TANC2: variants seen among roughly 807,000 people sequenced by gnomAD.
TANC2 encodes tetratricopeptide repeat, ankyrin repeat and coiled-coil containing 2.
Under a neutral mutation model 210.5 loss-of-function variants are expected in TANC2, and 26 were observed. That is an observed-to-expected ratio of 0.12 (90% CI 0.09 to 0.17). The LOEUF (loss-of-function observed/expected upper bound fraction) is 0.17. Ranked by LOEUF, TANC2 falls within the 10% of genes least tolerant of loss-of-function variation. The probability of loss-of-function intolerance (pLI) is 1.00; values close to 1 mark genes in which losing one functional copy is unlikely to be tolerated. For missense variants in TANC2, 2,129 were observed against 2,608.9 expected (o/e 0.82, Z 4.01); for synonymous variants, 931 against 967.1 (o/e 0.96, Z 0.69).
At position 63,175,732 on chromosome 17, in the gene TANC2, G is replaced by A. The variant is rs564964258; in HGVS notation, c.434-18259G>A. ...TACAGTGTTTAGAAAATGGAAAGTG[G>A]AGCCATAAAATAGGAGAAAATATCA... On this transcript the variant is annotated intron_variant, in intron 5 of 27. Transcript: ENST00000689528. Among the ~76,000 whole-genome samples, 13 of 152,180 alleles carry A rather than the reference G, an allele frequency of 8.5e-5. No homozygotes were observed. In the East Asian group the frequency reaches 9.7e-4, roughly 11 times the overall value.
intron 1 of TANC2, among the ~76,000 whole-genome samples, chr17:62,987,006 G>C (rs531157426): frequency 5.9e-5 from 9 of 152,090 alleles, no homozygotes; most frequent in African/African-American, 2.2e-4. Flanking sequence ...GTGCACTGCC[G>C]GGCTGTTTCT....
chr17:63,055,113 T>A (rs2035723832), intron 2 of TANC2, among the ~76,000 whole-genome samples: 1 of 152,226 alleles, frequency 6.6e-6, no homozygotes, highest in South Asian at 2.1e-4. Context: ...ACATTTTTCT[T>A]GGACTTATTT....
intron 9 of TANC2, among the ~76,000 whole-genome samples, chr17:63,304,894 G>C (rs996274494): frequency 9.2e-5 from 14 of 152,226 alleles, no homozygotes; most frequent in African/African-American, 3.4e-4. Context: ...AGCTGTGAAG[G>C]ACACCTCTTG....
intron 12 of TANC2, among the ~76,000 whole-genome samples, chr17:63,342,080 C>T (rs1296071291): frequency 6.6e-6 from 1 of 152,174 alleles, no homozygotes; most frequent in Non-Finnish European, 1.5e-5. Flanking sequence ...AGCTTAAATG[C>T]TACCTCATTC....
At chr17:62,989,603 A>G (rs2032750532) in intron 1 of TANC2, among the ~76,000 whole-genome samples, 1 of 152,082 alleles carries the variant, frequency 6.6e-6, no homozygotes, top group Non-Finnish European at 1.5e-5. Flanking sequence ...TGGTAGTTCT[A>G]TGTATTCTTC....
At chr17:63,330,372 A>C (rs977070538) in intron 11 of TANC2, among the ~76,000 whole-genome samples, 1 of 152,248 alleles carries the variant, frequency 6.6e-6, no homozygotes, top group African/African-American at 2.4e-5. Context: ...GGCTACACTT[A>C]AACCATAGAT....
rs146371498 is a variant in TANC2, at chr17:63,101,105, G to A, written c.322+1748G>A. 4.6e-5 allele frequency among the ~76,000 whole-genome samples: 7 copies of A among 152,250 alleles called. No individual in the cohort carries two copies. The East Asian group carries it at 1.4e-3, about 29-fold the overall frequency. On this transcript the variant is annotated intron_variant, in intron 4 of 27. Coordinates refer to ENST00000689528, the Ensembl canonical transcript of TANC2. ...CCAAGTGAAGCAGATGATAAGAATT[G>A]TCTAGTTTAACCTGGAATGAAATTA...
chr17:63,117,525 A>G (rs1037428562), intron 4 of TANC2, among the ~76,000 whole-genome samples: 5 of 152,194 alleles, frequency 3.3e-5, no homozygotes, highest in Admixed American at 2.6e-4. Context: ...TAGGGGTTCT[A>G]AACCCCTTTG....
At chr17:63,273,020 C>T (rs1237950159) in intron 9 of TANC2, among the ~76,000 whole-genome samples, 1 of 152,168 alleles carries the variant, frequency 6.6e-6, no homozygotes, top group East Asian at 1.9e-4. Context: ...ATGGCTGTCC[C>T]TGTAATCCCA....
intron 11 of TANC2, among the ~76,000 whole-genome samples, chr17:63,328,374 A>C (rs932560367): frequency 4.1e-5 from 5 of 121,254 alleles, no homozygotes; most frequent in Non-Finnish European, 8.1e-5. Context: ...GTGTATGTGT[A>C]TATGTGTGTG....
rs1422896915 is a variant in TANC2 at position 63,055,983 on chromosome 17, AAAAAAAAATATATATATAT to A, written c.68-17958_68-17940del. ...TCTCTACCAAAAAAAAAAAAAAAAAAAAAAAAAATATATATATATATATATATATATATATATATATGCC... is the reference window on the plus strand; with the variant it reads ...TCTCTACCAAAAAAAAAAAAAAAAAAATATATATATATATATATATATGCC... On this transcript the variant is annotated intron_variant, in intron 2 of 27. Transcript: ENST00000689528. Among the ~76,000 whole-genome samples the A allele has an allele frequency of 9.3e-3, 206 of 22,160 alleles. 3 individuals are homozygous for A. The highest frequency in any genetic ancestry group is 0.02 in the African/African-American group (192 of 9,444). The allele number at this position is 22,160 out of a possible 152,430, so 14.5% of individuals were successfully genotyped here.
chr17:63,012,439 A>G (rs186431795), intron 2 of TANC2, among the ~76,000 whole-genome samples: 106 of 152,296 alleles, frequency 7.0e-4, no homozygotes, highest in African/African-American at 2.5e-3. Context: ...TTGAAGTTTG[A>G]TATTTAATTG....
chr17:63,309,614 A>G (rs950302658), intron 9 of TANC2, among the ~76,000 whole-genome samples: 1 of 152,184 alleles, frequency 6.6e-6, no homozygotes, highest in East Asian at 1.9e-4. Flanking sequence ...TGGTTATTTC[A>G]AGAAATCCAT....
Position 62,996,522 on chromosome 17 carries a change from G to A in TANC2, c.-23-13015G>A, listed in dbSNP as rs184460006. On this transcript the variant is annotated intron_variant, in intron 1 of 27. Coordinates refer to ENST00000689528, the Ensembl canonical transcript of TANC2. ...TCTATAAATTTGTTCTAACCATGAA[G>A]CATCCTTGGAGTCTCCCTGAATCTG... 2.2e-3 allele frequency among the ~76,000 whole-genome samples: 340 copies of A among 152,052 alleles called. 1 individual carries two copies. Among genetic ancestry groups the A allele is most frequent in the Admixed American group, 0.017 (265 of 15,268 alleles).
chr17:63,369,361 T>C (rs1176079390), intron 14 of TANC2, among the ~76,000 whole-genome samples: 7 of 152,168 alleles, frequency 4.6e-5, no homozygotes, highest in Non-Finnish European at 7.3e-5. Flanking sequence ...TACTTTCAGC[T>C]AGCTGTGAGT....
chr17:63,214,250 C>T lies in TANC2; in HGVS notation c.769+13293C>T, dbSNP rs115480906. ...CAGAGGAGACAGACTGTATAGCATG[C>T]ACATGAGGTAAGGTATTGATTGACT... On this transcript the variant is annotated intron_variant, in intron 7 of 27. Coordinates refer to ENST00000689528, the Ensembl canonical transcript of TANC2. Among the ~76,000 whole-genome samples the T allele has an allele frequency of 6.0e-4, 92 of 152,296 alleles. 1 individual carries two copies. The highest frequency in any genetic ancestry group is 2.2e-3 in the African/African-American group (91 of 41,552).
chr17:63,226,846 T>C (rs1039317358), intron 7 of TANC2, among the ~76,000 whole-genome samples: 3 of 152,186 alleles, frequency 2.0e-5, no homozygotes, highest in African/African-American at 7.2e-5. Flanking sequence ...AGTGAGAACA[T>C]GCAATGTTTG....
At chr17:62,969,479 C>A (rs1786621744) in intron 1 of TANC2, among the ~76,000 whole-genome samples, 1 of 152,206 alleles carries the variant, frequency 6.6e-6, no homozygotes, top group Admixed American at 6.5e-5. Context: ...TAAACCTGGA[C>A]AACTCACATA....
At chr17:63,240,897 G>A (rs2042756078) in intron 8 of TANC2, among the ~76,000 whole-genome samples, 1 of 152,096 alleles carries the variant, frequency 6.6e-6, no homozygotes, top group African/African-American at 2.4e-5. Context: ...AGTCTACTTT[G>A]TGTTATGTGC....
Sources: allele counts gnomAD v4.1 joint callset (sites outside exome capture counted in the v4.1 genomes callset), GRCh38; gene constraint gnomAD v4.1.1; transcripts MANE v1.5; gene names NCBI Gene and HGNC (gene_info 2026-07-23, HGNC 2026-07-21).